Variants in PHF20 observed in about 807,000 individuals in gnomAD.
PHF20 encodes the protein glioma-expressed antigen 2.
Under a neutral mutation model 113.5 loss-of-function variants are expected in PHF20, and 23 were observed. That is an observed-to-expected ratio of 0.20 (90% CI 0.15 to 0.29). The LOEUF (loss-of-function observed/expected upper bound fraction) is 0.29, where lower values mean the gene tolerates loss of function less well. PHF20 is among the 10% of genes least tolerant of loss of function. The pLI is 1.00. For missense variants in PHF20, 943 were observed against 1,219.6 expected, an observed-to-expected ratio of 0.77 and a Z score of 3.38; for synonymous variants, 434 against 457.3, an observed-to-expected ratio of 0.95 and a Z score of 0.65.
intron 13 of PHF20, among the ~76,000 whole-genome samples, chr20:35,918,329 A>G (rs893386968): frequency 6.6e-6 from 1 of 152,034 alleles, no homozygotes; most frequent in Admixed American, 6.5e-5. Context: ...CTGAGTTTTT[A>G]AAAGTCATGG....
At chr20:35,896,538 C>T (rs756515040) in intron 9 of PHF20, among the ~76,000 whole-genome samples, 1 of 151,558 alleles carries the variant, frequency 6.6e-6, no homozygotes, top group Non-Finnish European at 1.5e-5. Flanking sequence ...GGCCTGGGGG[C>T]GGTGGCTCAC....
chr20:35,939,479 A>C (rs368249267), intron 16 of PHF20, among the ~76,000 whole-genome samples: 2 of 152,360 alleles, frequency 1.3e-5, no homozygotes, highest in East Asian at 3.9e-4. Context: ...TGAGCAAACA[A>C]TGAGTCAAAT....
rs993780035 is a variant in PHF20, at chr20:35,796,041, G to A, written c.-32-5450G>A. 1.4e-4 allele frequency among the ~76,000 whole-genome samples: 22 copies of A among 152,088 alleles called. No individual in the cohort carries two copies. In the Middle Eastern group the frequency reaches 0.014, roughly 94 times the overall value. On this transcript the variant is annotated intron_variant, in intron 1 of 17. Coordinates refer to ENST00000374012, the MANE Select transcript of PHF20 (RefSeq NM_016436.5). ...AATTTTTGTATTTTTTAGTGGAGAC[G>A]GGGTTTCACTATGTTTACCTGGGTG...
At chr20:35,812,900 A>G (rs775928201) in intron 2 of PHF20, among the ~76,000 whole-genome samples, 2 of 152,140 alleles carry the variant, frequency 1.3e-5, no homozygotes, top group African/African-American at 4.8e-5. Context: ...GAGATGGAAA[A>G]ATGGTAATAT....
At chr20:35,821,496 C>CAA (rs145842439) in intron 2 of PHF20, among the ~76,000 whole-genome samples, 1,242 of 78,096 alleles carry the variant, frequency 0.016, 21 homozygotes, top group African/African-American at 0.05. Flanking sequence ...ACCAAAAATA[C>CAA]AAAAAAAAAA....
chr20:35,786,084 G>A (rs117362888), intron 1 of PHF20, among the ~76,000 whole-genome samples: 4,420 of 150,414 alleles, frequency 0.029, 91 homozygotes, highest in Non-Finnish European at 0.042. Flanking sequence ...AGCTGGTCAG[G>A]TGTGTTTAAA....
At chr20:35,875,957 T>G (rs1822574930) in intron 9 of PHF20, among the ~76,000 whole-genome samples, 1 of 152,224 alleles carries the variant, frequency 6.6e-6, no homozygotes, top group Non-Finnish European at 1.5e-5. Flanking sequence ...GCTAACCTAA[T>G]TATGTTTCTG....
chr20:35,814,797 C>T (rs1255232895), intron 2 of PHF20, among the ~76,000 whole-genome samples: 5 of 140,436 alleles, frequency 3.6e-5, no homozygotes, highest in African/African-American at 1.3e-4. Flanking sequence ...GGCGTGAACC[C>T]GGGAGGCGGA....
chr20:35,824,819 A>G (rs990259695), intron 2 of PHF20, among the ~76,000 whole-genome samples: 1 of 152,078 alleles, frequency 6.6e-6, no homozygotes, highest in Non-Finnish European at 1.5e-5. Flanking sequence ...CTCTATATAT[A>G]TGCCTGTTCT....
rs1335273539 is a variant in PHF20 at position 35,899,621 on chromosome 20, A to C, written c.1534A>C (p.Arg512=). 3.1e-6 allele frequency: 5 copies of C among 1,614,068 alleles called. No individual in the cohort carries two copies. The African/African-American group carries it at 4.0e-5, about 13-fold the overall frequency. ...SDKPSQETLT[R]KRVSASSPTT... is the part of the protein sequence containing the mutation. ...CAAGCCCAGCCAGGAGACCCTGACC[A>C]GGAAGCGGGTCTCTGCCAGTTCCCC... Residue 512 remains arginine, a synonymous_variant, in exon 10 of 18, where the codon AGG becomes CGG. Coordinates refer to ENST00000374012, the MANE Select transcript of PHF20 (RefSeq NM_016436.5).
At chr20:35,925,568 G>A (rs369603198) in intron 13 of PHF20, among the ~76,000 whole-genome samples, 8 of 151,992 alleles carry the variant, frequency 5.3e-5, no homozygotes, top group East Asian at 1.9e-4. Context: ...GTGCTTGGCC[G>A]GGACTACATT....
chr20:35,936,504 T>C (rs940956603), intron 15 of PHF20, among the ~76,000 whole-genome samples: 3 of 152,162 alleles, frequency 2.0e-5, no homozygotes, highest in African/African-American at 7.2e-5. Context: ...TATGTGCACA[T>C]ACATGGAGGC....
chr20:35,847,544 G>T (rs1450724770), intron 4 of PHF20, 110 bp downstream of exon 4: 2 of 678,536 alleles, frequency 2.9e-6, no homozygotes, highest in African/African-American at 1.8e-5. Context: ...TACTGCCTAG[G>T]TATCCGCTTT....
At chr20:35,808,858 C>A (rs1289239208) in intron 2 of PHF20, among the ~76,000 whole-genome samples, 1 of 151,784 alleles carries the variant, frequency 6.6e-6, no homozygotes, top group African/African-American at 2.4e-5. Flanking sequence ...AGGCGTGAGC[C>A]ACCGCACCTG....
chr20:35,914,585 A>G (rs757875468), intron 12 of PHF20, among the ~76,000 whole-genome samples: 4 of 152,206 alleles, frequency 2.6e-5, no homozygotes, highest in Non-Finnish European at 5.9e-5. Context: ...CTACTGAATG[A>G]AAGAAAATAT....
chr20:35,786,946 A>C (rs2041430676), intron 1 of PHF20, among the ~76,000 whole-genome samples: 1 of 151,098 alleles, frequency 6.6e-6, no homozygotes, highest in Non-Finnish European at 1.5e-5. Context: ...ATCTTCTTGA[A>C]TCTATATACC....
intron 6 of PHF20, among the ~76,000 whole-genome samples, chr20:35,864,367 T>C (rs2054274701): frequency 6.9e-6 from 1 of 144,806 alleles, no homozygotes; most frequent in African/African-American, 2.6e-5. Flanking sequence ...GCCCAAGAAT[T>C]CCAAACCAGC....
At chr20:35,786,869 G>C (rs951216244) in intron 1 of PHF20, among the ~76,000 whole-genome samples, 1 of 152,092 alleles carries the variant, frequency 6.6e-6, no homozygotes, top group Non-Finnish European at 1.5e-5. Context: ...TCCTCTGCAC[G>C]CAAGGAGTAA....
intron 9 of PHF20, among the ~76,000 whole-genome samples, chr20:35,894,994 T>C (rs1230839466): frequency 6.6e-6 from 1 of 151,990 alleles, no homozygotes; most frequent in Non-Finnish European, 1.5e-5. Context: ...AAGCTGGATC[T>C]ACAGGCGCGC....
Sources: gnomAD v4.1 joint callset for allele counts (sites outside exome capture counted in the v4.1 genomes callset) on GRCh38, gnomAD v4.1.1 for gene constraint, MANE v1.5 for transcripts, NCBI Gene and HGNC (gene_info 2026-07-23, HGNC 2026-07-21) for gene names.